The following EPB41L3 variants were observed in gnomAD, a reference collection of about 807,000 sequenced individuals.
EPB41L3 encodes band 4.1-like protein 3.
A neutral mutation model predicts 127.1 loss-of-function variants in EPB41L3; 57 were observed. That is an observed-to-expected ratio of 0.45 (90% CI 0.36 to 0.56). The LOEUF is 0.56. Ranked by LOEUF, EPB41L3 falls within the 20% of genes least tolerant of loss-of-function variation. The pLI, the probability that EPB41L3 is intolerant of heterozygous loss-of-function variation, is 0.00. For synonymous variants in EPB41L3, 572 were observed against 549.5 expected (o/e 1.04, Z -0.57); for missense variants, 1,273 against 1,372.2 (o/e 0.93, Z 1.14).
chr18:5,473,649 T>C (rs542558971), intron 3 of EPB41L3, among the ~76,000 whole-genome samples: 159 of 151,806 alleles, frequency 1.0e-3, no homozygotes, highest in African/African-American at 3.7e-3. Flanking sequence ...ATGAGATGAG[T>C]GAGAGGACTG....
At chr18:5,413,047 A>G (rs1404830457) in intron 13 of EPB41L3, among the ~76,000 whole-genome samples, 1 of 152,206 alleles carries the variant, frequency 6.6e-6, no homozygotes, top group Admixed American at 6.5e-5. Flanking sequence ...AAGGCTGAAT[A>G]AAACAGTTTT....
intron 16 of EPB41L3, chr18:5,400,789 T>A (rs148549798): frequency 4.3e-5 from 25 of 583,088 alleles, no homozygotes; most frequent in South Asian, 4.3e-4. Context: ...GCATAACTGA[T>A]AACTAAAATA....
Position 5,397,365 on chromosome 18 carries a change from G to A in EPB41L3, c.2534C>T (p.Pro845Leu), listed in dbSNP as rs140230336. 3,550 of 1,613,936 alleles carry A rather than the reference G, an allele frequency of 2.2e-3. 7 individuals carry two copies. The highest frequency in any genetic ancestry group is 2.8e-3 in the Admixed American group (169 of 60,022). Residue 845 changes from proline to leucine, a missense_variant, in exon 18 of 23, where the codon CCG becomes CTG. Pro to Leu is a moderately conservative substitution (Grantham distance 98). Around this residue, in one of 3 missense-constraint regions of EPB41L3, gnomAD observed 765 missense variants for 782.9 expected, o/e 0.98. Coordinates refer to ENST00000341928, the MANE Select transcript of EPB41L3 (RefSeq NM_012307.5). This position sits in a 1 kb window ranked among gnomAD's most constrained non-coding sequence, Gnocchi z 4.1. ...IETEPTVHHL[P>L]LSTEKVVQET... ...CTGCACCACCTTCTCAGTGCTAAGC[G>A]GCAGGTGGTGCACGGTGGGTTCCGT...
intron 11 of EPB41L3, among the ~76,000 whole-genome samples, chr18:5,421,077 A>G (rs2077412566): frequency 6.6e-6 from 1 of 152,232 alleles, no homozygotes; most frequent in Non-Finnish European, 1.5e-5. Context: ...GCTCAACAGC[A>G]GCAGAAAACA....
Position 5,428,315 on chromosome 18 carries a change from C to T in EPB41L3, c.1063G>A (p.Glu355Lys), listed in dbSNP as rs2078515113. 3 of 1,614,142 alleles carry T rather than the reference C, an allele frequency of 1.9e-6. No individual in the cohort carries two copies. The East Asian group carries it at 6.7e-5, about 36-fold the overall frequency. The change falls in exon 9 of 23, where the codon GAG (glutamate) becomes AAG (lysine). Residue 355 changes from glutamate (E) to lysine (K), a missense_variant and splice_region_variant. By Grantham distance (56) the Glu-to-Lys change is moderately conservative (BLOSUM62 1). This residue lies in a region of EPB41L3 where 326 missense variants were observed against 440.2 expected (regional missense o/e 0.74). Coordinates refer to ENST00000341928, the MANE Select transcript of EPB41L3 (RefSeq NM_012307.5). ...NNFYIKIRPGEFEQFESTIGF... is the reference protein window; with the variant it reads ...NNFYIKIRPGKFEQFESTIGF... ...CAGGCAAATGTGGGTATACTTACCT[C>T]TCCCGGCCGGATCTTAATGTAAAAG...
intron 3 of EPB41L3, among the ~76,000 whole-genome samples, chr18:5,458,367 A>G (rs1397002539): frequency 6.6e-6 from 1 of 152,192 alleles, no homozygotes; most frequent in African/African-American, 2.4e-5. Context: ...TTACTCTATT[A>G]CTTTGATTTG....
Position 5,624,830 on chromosome 18 carries a change from C to T in EPB41L3, c.-468+4092G>A, listed in dbSNP as rs139513196. Among the ~76,000 whole-genome samples, 186 of 152,052 alleles carry T rather than the reference C, an allele frequency of 1.2e-3. 2 individuals are homozygous for T. In the East Asian group the frequency reaches 0.024, roughly 20 times the overall value. On this transcript the variant is annotated intron_variant, in intron 1 of 21. Coordinates refer to the EPB41L3 transcript ENST00000545076. Reference sequence around the variant, plus strand: ...AAGAATAAATACATGAGAAGTGCCACGAGAGCAGAAGGAGCAAAGAGCTAC... The same window carrying T: ...AAGAATAAATACATGAGAAGTGCCATGAGAGCAGAAGGAGCAAAGAGCTAC...
At chr18:5,463,590 G>A (rs2084409696) in intron 3 of EPB41L3, 1 of 152,224 alleles carries the variant, frequency 6.6e-6, no homozygotes, top group South Asian at 2.1e-4. Context: ...TCATGGGAAG[G>A]ATTCGAGAGT....
At chr18:5,508,533 C>G (rs558604789) in intron 1 of EPB41L3, among the ~76,000 whole-genome samples, 1 of 151,808 alleles carries the variant, frequency 6.6e-6, no homozygotes, top group Admixed American at 6.6e-5. Context: ...TTTGGGAGGC[C>G]GAGGTGGGTG....
At chr18:5,438,544 G>A (rs1249032750) in intron 5 of EPB41L3, among the ~76,000 whole-genome samples, 1 of 152,118 alleles carries the variant, frequency 6.6e-6, no homozygotes, top group Non-Finnish European at 1.5e-5. Flanking sequence ...GTTATTACAG[G>A]TCATATCCAA....
rs79275755 is a variant in EPB41L3, at chr18:5,483,883, C to T, written c.183+5118G>A. On this transcript the variant is annotated intron_variant, in intron 2 of 22. Coordinates refer to ENST00000341928, the MANE Select transcript of EPB41L3 (RefSeq NM_012307.5). The stretch of plus-strand genomic sequence containing the variant: ...ACAATAATGGTAGGGGACTTCAACA[C>T]TCCACTCTCAGTAAGGGACAGAACA... 4.6e-5 allele frequency among the ~76,000 whole-genome samples: 7 copies of T among 151,560 alleles called. No individual in the cohort carries two copies. The East Asian group carries it at 1.2e-3, about 25-fold the overall frequency.
At chr18:5,476,892 T>C (rs2087343227) in intron 3 of EPB41L3, among the ~76,000 whole-genome samples, 1 of 152,176 alleles carries the variant, frequency 6.6e-6, no homozygotes, top group Admixed American at 6.5e-5. Context: ...AATAGTTTTG[T>C]GCACGGTCCT....
intron 1 of EPB41L3, among the ~76,000 whole-genome samples, chr18:5,541,422 G>A (rs77406723): frequency 0.01 from 1,593 of 152,148 alleles, 14 homozygotes; most frequent in Non-Finnish European, 0.016. Flanking sequence ...AAAGATGAAT[G>A]CACATCATAC....
Position 5,489,204 on chromosome 18 carries a change from G to GA in EPB41L3, c.-11-11dup, listed in dbSNP as rs763935174. The GA allele has an allele frequency of 1.3e-6, 2 of 1,585,142 alleles. No homozygotes were observed. Among genetic ancestry groups the GA allele is most frequent in the Non-Finnish European group, 8.5e-7 (1 of 1,171,924 alleles). ...GTCATGGTTGATTGTTCTGCAAGCAGAAAAAAGGGAAGAGCAGGTCACTCC... is the reference window on the plus strand; with the variant it reads ...GTCATGGTTGATTGTTCTGCAAGCAGAAAAAAAGGGAAGAGCAGGTCACTCC... On this transcript the variant is annotated splice_polypyrimidine_tract_variant and intron_variant, in intron 1 of 22. Coordinates refer to ENST00000341928, the MANE Select transcript of EPB41L3 (RefSeq NM_012307.5).
chr18:5,445,604 G>C lies in EPB41L3; in HGVS notation c.382-360C>G, dbSNP rs189818047. On this transcript the variant is annotated intron_variant, in intron 3 of 22. Coordinates refer to ENST00000341928, the MANE Select transcript of EPB41L3 (RefSeq NM_012307.5). The stretch of plus-strand genomic sequence containing the variant: ...AAACATAAAAATTCTGACAGTGAAA[G>C]AGTACATAACAAACCAACAAAAGCC... 1.9e-3 allele frequency among the ~76,000 whole-genome samples: 294 copies of C among 152,302 alleles called. 1 individual carries two copies. The highest frequency in any genetic ancestry group is 6.9e-3 in the African/African-American group (285 of 41,568).
At chr18:5,599,396 G>A (rs2094567339) in intron 3 of EPB41L3, among the ~76,000 whole-genome samples, 1 of 152,124 alleles carries the variant, frequency 6.6e-6, no homozygotes, top group South Asian at 2.1e-4. Flanking sequence ...TCATCATCAA[G>A]GTAGGGCATT....
chr18:5,442,826 G>T (rs1186395129), intron 5 of EPB41L3, among the ~76,000 whole-genome samples: 1 of 152,148 alleles, frequency 6.6e-6, no homozygotes, highest in African/African-American at 2.4e-5. Flanking sequence ...GGATGATACT[G>T]CTGGAGTAAT....
chr18:5,618,922 TAC>T (rs1416585494), intron 1 of EPB41L3, among the ~76,000 whole-genome samples: 1 of 152,212 alleles, frequency 6.6e-6, no homozygotes, highest in Non-Finnish European at 1.5e-5. Context: ...AACTTCAATA[TAC>T]AGTTTGATTA....
chr18:5,489,807 A>T (rs1599681668), intron 1 of EPB41L3, among the ~76,000 whole-genome samples: 1 of 152,286 alleles, frequency 6.6e-6, no homozygotes, highest in South Asian at 2.1e-4. Context: ...CACAGGCAGG[A>T]TCACCTCTCC....
Sources: gnomAD v4.1 joint callset for allele counts (sites outside exome capture counted in the v4.1 genomes callset) on GRCh38, gnomAD v4.1.1 for gene constraint, gnomAD v4.1.1 regional missense constraint, Gnocchi (gnomAD v3.1) non-coding constraint, MANE v1.5 for transcripts, NCBI Gene and HGNC (gene_info 2026-07-23, HGNC 2026-07-21) for gene names.